Variants in CSRNP3 observed in about 807,000 individuals in gnomAD.
CSRNP3 encodes cysteine and serine rich nuclear protein 3, also known as cysteine/serine-rich nuclear protein 3.
CSRNP3 carries 12 observed loss-of-function variants against 48.0 expected under a neutral mutation model. The observed-to-expected ratio is 0.25, with a 90% CI of 0.16 to 0.41. CSRNP3 has a LOEUF of 0.41. Among genes scored for constraint, CSRNP3 ranks in the 10% least tolerant of loss-of-function variants. The pLI is 1.00. For missense variants in CSRNP3, 580 were observed against 724.4 expected (o/e 0.80, Z 2.29); for synonymous variants, 263 against 269.7 (o/e 0.98, Z 0.24).
intron 2 of CSRNP3, among the ~76,000 whole-genome samples, chr2:165,502,347 A>T (rs1277893202): frequency 6.6e-6 from 1 of 152,046 alleles, no homozygotes; most frequent in African/African-American, 2.4e-5. Flanking sequence ...TTTTCTATAG[A>T]TGGTAATATT....
intron 3 of CSRNP3, among the ~76,000 whole-genome samples, chr2:165,570,499 C>G (rs531176472): frequency 1.2e-4 from 18 of 151,678 alleles, no homozygotes; most frequent in Non-Finnish European, 2.5e-4. Flanking sequence ...TTCTCCCACT[C>G]TCACTTTCTA....
rs1380412994 is a variant in CSRNP3 at position 165,618,579 on chromosome 2, A to G, written c.148+23366A>G. On this transcript the variant is annotated intron_variant, in intron 4 of 6. Coordinates refer to ENST00000651982, the MANE Select transcript of CSRNP3 (RefSeq NM_001172173.2). ...AGAAAGATCATATGAACCAAAAGCT[A>G]AACAAATTGAACATTTACACATATT... Among the ~76,000 whole-genome samples the G allele has an allele frequency of 3.9e-5, 6 of 152,354 alleles. No individual in the cohort carries two copies. In the South Asian group the frequency reaches 8.3e-4, roughly 21 times the overall value.
intron 3 of CSRNP3, among the ~76,000 whole-genome samples, chr2:165,545,188 T>A (rs1458071323): frequency 1.3e-5 from 2 of 152,166 alleles, no homozygotes; most frequent in South Asian, 2.1e-4. Flanking sequence ...AAGGCTAATC[T>A]ATATGGTTTT....
intron 4 of CSRNP3, among the ~76,000 whole-genome samples, chr2:165,618,948 A>G (rs1020772596): frequency 1.3e-5 from 2 of 152,202 alleles, no homozygotes; most frequent in African/African-American, 4.8e-5. Flanking sequence ...TGCTAGGAAT[A>G]CACTTCTTTT....
At position 165,680,746 on chromosome 2, in the gene CSRNP3, A is replaced by G. The variant is rs955984805; in HGVS notation, c.*993A>G. On this transcript the variant is annotated 3_prime_UTR_variant, in exon 7 of 7. Transcript: ENST00000651982. Reference sequence around the variant, plus strand: ...ATTATAAGGTTCATATAATTAATATAGAGGAATCATCCAATGATACTTATG... The same window carrying G: ...ATTATAAGGTTCATATAATTAATATGGAGGAATCATCCAATGATACTTATG... The G allele has an allele frequency of 3.9e-5, 6 of 152,350 alleles. No individual in the cohort carries two copies. Among genetic ancestry groups the G allele is most frequent in the Non-Finnish European group, 8.8e-5 (6 of 68,022 alleles). The allele number at this position is 152,350 out of a possible 1,614,324, so 9.4% of individuals were successfully genotyped here. A position where few individuals can be genotyped will look rare whatever the true frequency, so the allele number is the denominator to read the frequency against.
At chr2:165,560,995 G>A (rs1183873628) in intron 3 of CSRNP3, among the ~76,000 whole-genome samples, 1 of 152,094 alleles carries the variant, frequency 6.6e-6, no homozygotes, top group Non-Finnish European at 1.5e-5. Context: ...TTTGCATAGT[G>A]GATTTAGGGC....
chr2:165,607,270 T>C (rs1467699916), intron 4 of CSRNP3, among the ~76,000 whole-genome samples: 2 of 152,122 alleles, frequency 1.3e-5, no homozygotes, highest in Admixed American at 6.5e-5. Context: ...TGCATTCCTA[T>C]TAGGAAAGGG....
intron 3 of CSRNP3, among the ~76,000 whole-genome samples, chr2:165,567,253 A>T (rs542972483): frequency 6.6e-6 from 1 of 152,136 alleles, no homozygotes; most frequent in Admixed American, 6.6e-5. Flanking sequence ...ATTTATGGTC[A>T]CTAAGAAATA....
chr2:165,524,563 A>G (rs924037320), intron 3 of CSRNP3, among the ~76,000 whole-genome samples: 3 of 152,196 alleles, frequency 2.0e-5, no homozygotes, highest in Admixed American at 1.3e-4. Context: ...CAATCAAATT[A>G]CAGAACATTT....
Position 165,686,034 on chromosome 2 carries a change from AC to A in CSRNP3, c.*6282del, listed in dbSNP as rs1273540682. ...AAGTTAATTTATGTGACCTGATTGA[AC>A]AGTTTTAGTTGTAACTTTAGAGTAG... On this transcript the variant is annotated 3_prime_UTR_variant, in exon 7 of 7. Transcript: ENST00000651982. 1 of 152,108 alleles carries A rather than the reference AC, an allele frequency of 6.6e-6. No homozygotes were observed. The highest frequency in any genetic ancestry group is 1.5e-5 in the Non-Finnish European group (1 of 67,988). 9.4% of individuals were successfully genotyped at this position (152,108 alleles called of 1,614,324 possible). A position where few individuals can be genotyped will look rare whatever the true frequency, so the allele number is the denominator to read the frequency against.
intron 3 of CSRNP3, among the ~76,000 whole-genome samples, chr2:165,554,431 C>T (rs1161333411): frequency 2.0e-5 from 3 of 152,186 alleles, no homozygotes; most frequent in African/African-American, 7.2e-5. Flanking sequence ...GACATCTCCA[C>T]TTGAGTAATA....
chr2:165,673,131 C>CTTTTTTTTT lies in CSRNP3; in HGVS notation c.409-3165_409-3157dup, dbSNP rs3032370. 3.1e-3 allele frequency among the ~76,000 whole-genome samples: 211 copies of CTTTTTTTTT among 67,120 alleles called. 34 individuals are homozygous for CTTTTTTTTT. The highest frequency in any genetic ancestry group is 6.0e-3 in the South Asian group (9 of 1,508). The allele number at this position is 67,120 out of a possible 152,430, so 44.0% of individuals were successfully genotyped here. ...AGCAAGAGTGAAACAGTATGTAGCT[C>CTTTTTTTTT]TTTTTTTTTTTTTTTTTTTTTTTTG... is the stretch of plus-strand genomic sequence containing the variant. On this transcript the variant is annotated intron_variant, in intron 5 of 6. Transcript: ENST00000651982.
At chr2:165,504,029 T>A (rs1684392746) in intron 2 of CSRNP3, among the ~76,000 whole-genome samples, 1 of 151,998 alleles carries the variant, frequency 6.6e-6, no homozygotes, top group African/African-American at 2.4e-5. Context: ...ATGAAAAATA[T>A]TCTTCCTAAT....
chr2:165,684,553 A>G lies in CSRNP3; in HGVS notation c.*4800A>G, dbSNP rs1380232895. 6.6e-6 allele frequency: 1 copy of G among 152,086 alleles called. No homozygotes were observed. The highest frequency in any genetic ancestry group is 1.9e-4 in the East Asian group (1 of 5,180). 9.4% of individuals were successfully genotyped at this position (152,086 alleles called of 1,614,324 possible). On this transcript the variant is annotated 3_prime_UTR_variant, in exon 7 of 7. Coordinates refer to ENST00000651982, the MANE Select transcript of CSRNP3 (RefSeq NM_001172173.2). ...TTACCACAACCAAAACCCAAAGTTTAAAGGCTTGATTACTCTATATTAGGT... is the reference window on the plus strand; with the variant it reads ...TTACCACAACCAAAACCCAAAGTTTGAAGGCTTGATTACTCTATATTAGGT...
chr2:165,583,428 A>G (rs1032040639), intron 3 of CSRNP3, among the ~76,000 whole-genome samples: 18 of 152,204 alleles, frequency 1.2e-4, no homozygotes, highest in Admixed American at 3.9e-4. Context: ...TAAAAATATT[A>G]TGCATTGTAG....
intron 4 of CSRNP3, among the ~76,000 whole-genome samples, chr2:165,621,055 TATTTA>T (rs1686330534): frequency 6.6e-6 from 1 of 152,150 alleles, no homozygotes; most frequent in African/African-American, 2.4e-5. Context: ...TCTCTTATCT[TATTTA>T]ATTTCTTTCC....
intron 4 of CSRNP3, among the ~76,000 whole-genome samples, chr2:165,615,608 T>C (rs1028154380): frequency 2.0e-5 from 3 of 152,118 alleles, no homozygotes; most frequent in African/African-American, 7.2e-5. Flanking sequence ...TTAATTATTA[T>C]ATATAATGCT....
intron 4 of CSRNP3, among the ~76,000 whole-genome samples, chr2:165,623,869 C>A (rs1221523091): frequency 6.6e-6 from 1 of 152,158 alleles, no homozygotes; most frequent in African/African-American, 2.4e-5. Context: ...CTTCCTTTCC[C>A]TTTTAGAGCA....
At chr2:165,548,476 TA>T (rs1685058478) in intron 3 of CSRNP3, among the ~76,000 whole-genome samples, 1 of 152,120 alleles carries the variant, frequency 6.6e-6, no homozygotes, top group Non-Finnish European at 1.5e-5. Context: ...CAAACTACTC[TA>T]TATAACTATA....
Sources: allele counts gnomAD v4.1 joint callset (sites outside exome capture counted in the v4.1 genomes callset), GRCh38; gene constraint gnomAD v4.1.1; transcripts MANE v1.5; gene names NCBI Gene and HGNC (gene_info 2026-07-23, HGNC 2026-07-21).